Variants in HIPK2 observed in about 807,000 individuals in gnomAD.
The protein encoded by HIPK2 is homeodomain interacting protein kinase 2.
A neutral mutation model predicts 113.7 loss-of-function variants in HIPK2; 27 were observed. The ratio of observed to expected loss-of-function variants is 0.24; its 90% CI spans 0.17 to 0.33. The LOEUF (loss-of-function observed/expected upper bound fraction) is 0.33, where lower values mean the gene tolerates loss of function less well. Among genes scored for constraint, HIPK2 ranks in the 10% least tolerant of loss-of-function variants. The pLI, the probability that HIPK2 is intolerant of heterozygous loss-of-function variation, is 1.00. For missense variants in HIPK2, 1,257 were observed against 1,588.0 expected (o/e 0.79, Z 3.54); for synonymous variants, 631 against 642.2 (o/e 0.98, Z 0.26).
rs1032095116 is a variant in HIPK2, at chr7:139,773,879, G to A, written c.19+3726C>T. Among the ~76,000 whole-genome samples the A allele has an allele frequency of 3.3e-5, 5 of 152,100 alleles. No homozygotes were observed. The South Asian group carries it at 6.2e-4, about 19-fold the overall frequency. On this transcript the variant is annotated intron_variant, in intron 1 of 14. Coordinates refer to ENST00000406875, the MANE Select transcript of HIPK2 (RefSeq NM_022740.5). ...GGCAAAGGTTATCTTTCATACTTGGGGATACTTTCCAAGAGGCACAGCTGC... is the reference window on the plus strand; with the variant it reads ...GGCAAAGGTTATCTTTCATACTTGGAGATACTTTCCAAGAGGCACAGCTGC...
intron 1 of HIPK2, among the ~76,000 whole-genome samples, chr7:139,763,672 C>A (rs906207328): frequency 6.6e-6 from 1 of 152,184 alleles, no homozygotes; most frequent in Non-Finnish European, 1.5e-5. Flanking sequence ...GATGGCTTCA[C>A]GATAAACAGT....
At chr7:139,650,833 C>G (rs1801431874) in intron 2 of HIPK2, among the ~76,000 whole-genome samples, 1 of 152,244 alleles carries the variant, frequency 6.6e-6, no homozygotes, top group Non-Finnish European at 1.5e-5. Context: ...TTGCCAGCCA[C>G]AAGGGTGACC....
At chr7:139,620,114 C>A (rs983983656) in intron 7 of HIPK2, among the ~76,000 whole-genome samples, 1 of 152,086 alleles carries the variant, frequency 6.6e-6, no homozygotes, top group Non-Finnish European at 1.5e-5. Context: ...GATCATAGCA[C>A]CCCCTTCCCC....
chr7:139,713,198 G>A (rs190911316), intron 2 of HIPK2, among the ~76,000 whole-genome samples: 4 of 152,236 alleles, frequency 2.6e-5, no homozygotes, highest in African/African-American at 7.2e-5. Flanking sequence ...CCCAGGAACC[G>A]CCAGCAAACC....
chr7:139,723,419 CTT>C (rs1795475783), intron 1 of HIPK2, among the ~76,000 whole-genome samples: 1 of 152,174 alleles, frequency 6.6e-6, no homozygotes, highest in Non-Finnish European at 1.5e-5. Context: ...GTCTCGAACT[CTT>C]GACCTCAGGT....
chr7:139,725,164 C>T (rs1020468455), intron 1 of HIPK2, among the ~76,000 whole-genome samples: 7 of 152,112 alleles, frequency 4.6e-5, no homozygotes, highest in African/African-American at 1.7e-4. Flanking sequence ...TGGGGATTGC[C>T]AAGTACAATG....
intron 1 of HIPK2, among the ~76,000 whole-genome samples, chr7:139,737,600 C>T (rs918757334): frequency 2.6e-5 from 4 of 152,170 alleles, no homozygotes; most frequent in African/African-American, 9.7e-5. Flanking sequence ...CTGCCAAGGG[C>T]CCTGCACATC....
chr7:139,609,181 T>C (rs1339076702), intron 9 of HIPK2, among the ~76,000 whole-genome samples: 1 of 152,238 alleles, frequency 6.6e-6, no homozygotes, highest in East Asian at 1.9e-4. Context: ...GTGGCCAAGA[T>C]GCTAGCTGTG....
intron 1 of HIPK2, among the ~76,000 whole-genome samples, chr7:139,719,684 C>G (rs557948699): frequency 8.3e-4 from 127 of 152,332 alleles, no homozygotes; most frequent in African/African-American, 3.0e-3. Context: ...TCACTTGGCT[C>G]CAAAACTATG....
chr7:139,634,174 C>T (rs370921804), intron 2 of HIPK2, among the ~76,000 whole-genome samples: 11 of 152,108 alleles, frequency 7.2e-5, no homozygotes, highest in African/African-American at 1.9e-4. Flanking sequence ...CTGGCTACTA[C>T]GTGCTTCTAG....
chr7:139,665,918 G>C (rs1434856789), intron 2 of HIPK2, among the ~76,000 whole-genome samples: 1 of 147,996 alleles, frequency 6.8e-6, no homozygotes, highest in Non-Finnish European at 1.5e-5. Context: ...CAAGCAGACT[G>C]TAAGCTCTTT....
chr7:139,642,034 T>G (rs942459150), intron 2 of HIPK2, among the ~76,000 whole-genome samples: 1 of 152,184 alleles, frequency 6.6e-6, no homozygotes, highest in Non-Finnish European at 1.5e-5. Flanking sequence ...CAGTTTAAAC[T>G]CCTTGGAAGC....
At position 139,683,574 on chromosome 7, in the gene HIPK2, G is replaced by A. The variant is rs908069888; in HGVS notation, c.1103+32358C>T. On this transcript the variant is annotated intron_variant, in intron 2 of 14. Transcript: ENST00000406875. This position sits in a 1 kb window ranked among gnomAD's most constrained non-coding sequence, Gnocchi z 4.2. ...AATCTAATCTTGGAAGTGAAACACC[G>A]TCATTTCTGCCAGATTCTCTGGGTC... Among the ~76,000 whole-genome samples, 1 of 152,172 alleles carries A rather than the reference G, an allele frequency of 6.6e-6. No homozygotes were observed. Among genetic ancestry groups the A allele is most frequent in the Non-Finnish European group, 1.5e-5 (1 of 68,026 alleles).
At chr7:139,698,685 C>T (rs1295461665) in intron 2 of HIPK2, among the ~76,000 whole-genome samples, 6 of 152,198 alleles carry the variant, frequency 3.9e-5, no homozygotes, top group Non-Finnish European at 8.8e-5. Flanking sequence ...AAGGATTGGG[C>T]GATTTATATA....
chr7:139,628,379 T>C (rs1037565349), intron 5 of HIPK2, among the ~76,000 whole-genome samples: 1 of 152,196 alleles, frequency 6.6e-6, no homozygotes, highest in African/African-American at 2.4e-5. Context: ...ATTCTTCTCA[T>C]GATAACATCA....
At chr7:139,693,967 C>A (rs1245172691) in intron 2 of HIPK2, among the ~76,000 whole-genome samples, 1 of 152,186 alleles carries the variant, frequency 6.6e-6, no homozygotes, top group Admixed American at 6.5e-5. Flanking sequence ...CAAGCCACTT[C>A]CACATGCATA....
intron 9 of HIPK2, among the ~76,000 whole-genome samples, chr7:139,610,632 T>C (rs1186779523): frequency 6.6e-6 from 1 of 150,608 alleles, no homozygotes; most frequent in Non-Finnish European, 1.5e-5. Context: ...AGTGTCATTC[T>C]GGACCTAAGC....
chr7:139,611,714 A>T (rs1056658174), intron 9 of HIPK2, among the ~76,000 whole-genome samples: 1 of 150,730 alleles, frequency 6.6e-6, no homozygotes, highest in African/African-American at 2.4e-5. Context: ...GCTAATTTTT[A>T]ATTTTTTTTT....
At chr7:139,710,760 G>C (rs532110508) in intron 2 of HIPK2, among the ~76,000 whole-genome samples, 1 of 152,288 alleles carries the variant, frequency 6.6e-6, no homozygotes, top group African/African-American at 2.4e-5. Context: ...TGGAGGAGGG[G>C]CCTGGTGAAA....
Sources: allele counts gnomAD v4.1 joint callset (sites outside exome capture counted in the v4.1 genomes callset), GRCh38; gene constraint gnomAD v4.1.1; non-coding constraint Gnocchi (gnomAD v3.1); transcripts MANE v1.5; gene names NCBI Gene and HGNC (gene_info 2026-07-23, HGNC 2026-07-21).